The following GRIK4 variants were observed in gnomAD, a reference collection of about 807,000 sequenced individuals.
GRIK4 encodes the protein glutamate ionotropic receptor kainate type subunit 4.
GRIK4 carries 40 observed loss-of-function variants against 104.9 expected under a neutral mutation model. The ratio of observed to expected loss-of-function variants is 0.38; its 90% CI spans 0.30 to 0.50. The LOEUF is 0.50. Among genes scored for constraint, GRIK4 ranks in the 20% least tolerant of loss-of-function variants. The pLI, the probability that GRIK4 is intolerant of heterozygous loss-of-function variation, is 0.93. For missense variants in GRIK4, 1,047 were observed against 1,308.1 expected (o/e 0.80, Z 3.08); for synonymous variants, 485 against 524.9 (o/e 0.92, Z 1.04).
At chr11:120,609,837 C>A (rs1000851013) in intron 1 of GRIK4, among the ~76,000 whole-genome samples, 1 of 152,130 alleles carries the variant, frequency 6.6e-6, no homozygotes, top group Admixed American at 6.5e-5. Flanking sequence ...GACCTGCCTT[C>A]TACCCCTTTC....
chr11:120,527,289 G>A (rs914107715), intron 1 of GRIK4, among the ~76,000 whole-genome samples: 4 of 152,230 alleles, frequency 2.6e-5, no homozygotes, highest in Non-Finnish European at 4.4e-5. Flanking sequence ...AGCTCCCTGC[G>A]GCCCCAGGGT....
At chr11:120,855,890 C>T (rs1037276146) in intron 8 of GRIK4, among the ~76,000 whole-genome samples, 11 of 152,220 alleles carry the variant, frequency 7.2e-5, no homozygotes, top group Admixed American at 4.6e-4. Context: ...CAAAACTTTT[C>T]CCATTTGACA....
intron 9 of GRIK4, 184 bp from the exon 10 acceptor site, chr11:120,873,882 T>C: frequency 1.8e-6 from 1 of 566,332 alleles, no homozygotes. Flanking sequence ...AACACCTGAC[T>C]ATTAGATGAA....
At chr11:120,632,182 A>G (rs1450785145) in intron 1 of GRIK4, among the ~76,000 whole-genome samples, 1 of 152,132 alleles carries the variant, frequency 6.6e-6, no homozygotes, top group Non-Finnish European at 1.5e-5. Context: ...GAGACCCCAG[A>G]GAGCTTGCTC....
At chr11:120,829,156 C>T (rs1024290025) in intron 6 of GRIK4, among the ~76,000 whole-genome samples, 1 of 152,164 alleles carries the variant, frequency 6.6e-6, no homozygotes, top group African/African-American at 2.4e-5. Flanking sequence ...TTGTTCACCT[C>T]TCCAGCTGTG....
intron 13 of GRIK4, among the ~76,000 whole-genome samples, chr11:120,925,361 C>T (rs942236362): frequency 5.9e-5 from 9 of 152,166 alleles, no homozygotes; most frequent in African/African-American, 2.2e-4. Flanking sequence ...CTGGGCTTGC[C>T]CAGGCCAGCT....
intron 1 of GRIK4, among the ~76,000 whole-genome samples, chr11:120,622,980 T>G (rs1949208723): frequency 6.6e-6 from 1 of 152,176 alleles, no homozygotes; most frequent in South Asian, 2.1e-4. Context: ...GTTCTGGGAG[T>G]TAGGTCATGT....
chr11:120,862,129 C>T lies in GRIK4; in HGVS notation c.906+9C>T. The stretch of plus-strand genomic sequence containing the variant: ...CCTTCACTGGGCCTGCGGTAAGTAC[C>T]CGCCAGAGCTCTTCCTGGTGCCCCT... On this transcript the variant is annotated intron_variant, in intron 9 of 20. Transcript: ENST00000527524. 1 of 1,611,616 alleles carries T rather than the reference C, an allele frequency of 6.2e-7. No individual in the cohort carries two copies.
At chr11:120,961,213 C>T (rs1381391943) in intron 17 of GRIK4, 139 bp downstream of exon 17, 1 of 748,610 alleles carries the variant, frequency 1.3e-6, no homozygotes, top group Middle Eastern at 3.1e-4. Context: ...ACATGGGGCT[C>T]ATTTATCTGC....
At chr11:120,623,303 T>G (rs1949212270) in intron 1 of GRIK4, among the ~76,000 whole-genome samples, 1 of 152,150 alleles carries the variant, frequency 6.6e-6, no homozygotes. Flanking sequence ...TTTTTTATTT[T>G]TATTTTTTTG....
chr11:120,647,976 T>A (rs1949565305), intron 1 of GRIK4, among the ~76,000 whole-genome samples: 3 of 152,208 alleles, frequency 2.0e-5, no homozygotes, highest in African/African-American at 7.2e-5. Flanking sequence ...TCTGCCCATG[T>A]GGCAGCCCCC....
intron 2 of GRIK4, among the ~76,000 whole-genome samples, chr11:120,656,822 C>A (rs113162387): frequency 0.011 from 1,710 of 152,252 alleles, 12 homozygotes; most frequent in Non-Finnish European, 0.019. Flanking sequence ...CCACTGCACT[C>A]CAGCCTGAGC....
chr11:120,651,590 C>T (rs1384162416), intron 1 of GRIK4, among the ~76,000 whole-genome samples: 1 of 152,212 alleles, frequency 6.6e-6, no homozygotes, highest in African/African-American at 2.4e-5. Flanking sequence ...AACGTCCTCC[C>T]CTCAAGTTGG....
chr11:120,570,824 G>A (rs1375511683), intron 1 of GRIK4, among the ~76,000 whole-genome samples: 1 of 149,080 alleles, frequency 6.7e-6, no homozygotes, highest in Non-Finnish European at 1.5e-5. Flanking sequence ...CCCCTCATAT[G>A]TGGTATTTAA....
At chr11:120,778,435 T>C (rs913644243) in intron 3 of GRIK4, among the ~76,000 whole-genome samples, 3 of 152,158 alleles carry the variant, frequency 2.0e-5, no homozygotes, top group African/African-American at 7.2e-5. Context: ...GAGATGAAAA[T>C]AAATTTAAAT....
chr11:120,685,671 A>G (rs1262889905), intron 3 of GRIK4, among the ~76,000 whole-genome samples: 1 of 151,986 alleles, frequency 6.6e-6, no homozygotes, highest in East Asian at 1.9e-4. Flanking sequence ...CACCAACCCA[A>G]TGGCATTTTC....
intron 1 of GRIK4, among the ~76,000 whole-genome samples, chr11:120,570,484 C>T (rs1358106847): frequency 6.6e-6 from 1 of 152,132 alleles, no homozygotes. Context: ...GAGGGTGGCT[C>T]ACTCTGTCAC....
At chr11:120,776,521 G>A (rs955976242) in intron 3 of GRIK4, among the ~76,000 whole-genome samples, 2 of 152,256 alleles carry the variant, frequency 1.3e-5, no homozygotes, top group Non-Finnish European at 2.9e-5. Context: ...TGCTCTCAGA[G>A]GGGAATTAGG....
At chr11:120,726,015 G>T (rs968225200) in intron 3 of GRIK4, among the ~76,000 whole-genome samples, 8 of 152,184 alleles carry the variant, frequency 5.3e-5, no homozygotes, top group Non-Finnish European at 7.3e-5. Context: ...TATTCAGGAA[G>T]GCTTCTCTGA....
Sources: allele counts gnomAD v4.1 joint callset (sites outside exome capture counted in the v4.1 genomes callset), GRCh38; gene constraint gnomAD v4.1.1; transcripts MANE v1.5; gene names NCBI Gene and HGNC (gene_info 2026-07-23, HGNC 2026-07-21).